The following ZNF280B variants were observed in gnomAD, a reference collection of about 807,000 sequenced individuals.
ZNF280B encodes suppressor of hairy wing homolog 2.
Under a neutral mutation model 38.0 loss-of-function variants are expected in ZNF280B, and 16 were observed. That is an observed-to-expected ratio of 0.42 (90% CI 0.28 to 0.64). ZNF280B has a LOEUF of 0.64. ZNF280B is among the 30% of genes least tolerant of loss of function. The pLI is 0.21. For missense variants in ZNF280B, 581 were observed against 639.6 expected (o/e 0.91, Z 0.99); for synonymous variants, 253 against 230.6 (o/e 1.10, Z -0.88).
intron 2 of ZNF280B, among the ~76,000 whole-genome samples, chr22:22,504,502 T>C (rs1338733759): frequency 6.6e-6 from 1 of 151,732 alleles, no homozygotes; most frequent in Non-Finnish European, 1.5e-5. Context: ...AAAGTCACTA[T>C]TCTCTTTTCA....
rs2061970338 is a variant in ZNF280B, at chr22:22,507,809, C to T, written c.-187+1G>A. ...CATCAGGGAGACTTCTCTTTTCTTA[C>T]CTCAGGTTTATTACAACGCAACTTT... On this transcript the variant is annotated splice_donor_variant, in intron 2 of 3. Coordinates refer to ENST00000626650, the MANE Select transcript of ZNF280B (RefSeq NM_080764.4). LOFTEE classifies it low-confidence loss of function (5UTR_SPLICE). 6.6e-6 allele frequency: 1 copy of T among 151,904 alleles called. No individual in the cohort carries two copies. Among genetic ancestry groups the T allele is most frequent in the South Asian group, 2.1e-4 (1 of 4,810 alleles). 9.4% of individuals were successfully genotyped at this position (151,904 alleles called of 1,614,324 possible).
In ZNF280B at chr22:22,488,865, G is replaced by GTGTATC; in HGVS notation, c.533_534insGATACA (p.Phe178delinsLeuIleHis). 1 of 1,613,636 alleles carries GTGTATC rather than the reference G, an allele frequency of 6.2e-7. No individual in the cohort carries two copies. Among genetic ancestry groups the GTGTATC allele is most frequent in the Non-Finnish European group, 8.5e-7 (1 of 1,179,956 alleles). On this transcript the variant is annotated protein_altering_variant, in exon 4 of 4. Transcript: ENST00000626650. ...TTTTGGGATTTATGCTGTTTACTTC[G>GTGTATC]AAAGTGGAAAGTTGCTTTGATACAC... is the stretch of plus-strand genomic sequence containing the variant.
rs112826805 is a variant in ZNF280B, at chr22:22,485,776, CTATG to C, written c.*1987_*1990del. The C allele has an allele frequency of 0.13, 19,467 of 151,722 alleles. 1,424 individuals carry two copies. Among genetic ancestry groups the C allele is most frequent in the South Asian group, 0.29 (1,408 of 4,790 alleles). The allele number at this position is 151,722 out of a possible 1,614,324, so 9.4% of individuals were successfully genotyped here. ...GAAAAAGGGAGAGATTTCTCCAGAC[CTATG>C]TATGTCTACAGCCAAGATGGCGGAT... On this transcript the variant is annotated 3_prime_UTR_variant, in exon 4 of 4. Coordinates refer to ENST00000626650, the MANE Select transcript of ZNF280B (RefSeq NM_080764.4).
At chr22:22,502,876 G>A (rs2061853340) in intron 2 of ZNF280B, among the ~76,000 whole-genome samples, 1 of 151,970 alleles carries the variant, frequency 6.6e-6, no homozygotes, top group African/African-American at 2.4e-5. Context: ...GATCTTTGCA[G>A]ATGGGAAAAT....
intron 2 of ZNF280B, among the ~76,000 whole-genome samples, chr22:22,496,817 C>CT (rs398036598): frequency 0.013 from 1,735 of 131,760 alleles, 31 homozygotes; most frequent in African/African-American, 0.036. Context: ...GGGATCTACT[C>CT]TTTTTTTTTT....
At chr22:22,502,285 A>G (rs1195242294) in intron 2 of ZNF280B, among the ~76,000 whole-genome samples, 1 of 152,006 alleles carries the variant, frequency 6.6e-6, no homozygotes, top group African/African-American at 2.4e-5. Context: ...GTTAGTTATA[A>G]GCAAAAACAA....
Position 22,487,707 on chromosome 22 carries a change from G to A in ZNF280B, c.*60C>T. 7.0e-7 allele frequency: 1 copy of A among 1,428,688 alleles called. No homozygotes were observed. Among genetic ancestry groups the A allele is most frequent in the African/African-American group, 1.4e-5 (1 of 69,828 alleles). 88.5% of individuals were successfully genotyped at this position (1,428,688 alleles called of 1,614,324 possible). On this transcript the variant is annotated 3_prime_UTR_variant, in exon 4 of 4. Transcript: ENST00000626650. ...GAATAATGTATGGTTTGTATTTTTT[G>A]TTTTATGAGGTTTTTTAATTTGGTT...
intron 3 of ZNF280B, among the ~76,000 whole-genome samples, chr22:22,491,450 CTTTTT>C (rs55862603): frequency 3.7e-5 from 5 of 136,896 alleles, no homozygotes; most frequent in Non-Finnish European, 6.2e-5. Context: ...TTTTTCTTGT[CTTTTT>C]TCTTTTTTTT....
At position 22,489,144 on chromosome 22, in the gene ZNF280B, T is replaced by C. The variant is rs78270162; in HGVS notation, c.255A>G (p.Lys85=). The change falls in exon 4 of 4, where the codon AAA becomes AAG. Residue 85 remains lysine, a synonymous_variant. Coordinates refer to ENST00000626650, the MANE Select transcript of ZNF280B (RefSeq NM_080764.4). Reference sequence around the variant, plus strand: ...CGGTCTCATGACTTTTAGGCTGCAATTTGCGAGCAGTATCTTTTCTAAGGT... The same window carrying C: ...CGGTCTCATGACTTTTAGGCTGCAACTTGCGAGCAGTATCTTTTCTAAGGT... ...YDHLRKDTAR[K]LQPKSHETVT... The C allele has an allele frequency of 1.9e-3, 3,123 of 1,613,912 alleles. 14 individuals carry two copies. Among genetic ancestry groups the C allele is most frequent in the Middle Eastern group, 2.3e-3 (14 of 6,052 alleles).
chr22:22,507,365 T>C (rs975998238), intron 2 of ZNF280B, among the ~76,000 whole-genome samples: 4 of 151,902 alleles, frequency 2.6e-5, no homozygotes, highest in Non-Finnish European at 5.9e-5. Flanking sequence ...ACTAATACAA[T>C]GGGTCTCACT....
intron 2 of ZNF280B, among the ~76,000 whole-genome samples, chr22:22,505,655 G>T (rs985861204): frequency 6.6e-6 from 1 of 151,552 alleles, no homozygotes; most frequent in Admixed American, 6.6e-5. Context: ...AGCTACTTGG[G>T]AGGCTGAGGA....
Position 22,487,447 on chromosome 22 carries a change from T to TAAAAAAAAAAAAAAAAAA in ZNF280B, c.*302_*319dup, listed in dbSNP as rs71199481. ...TAACAGTGAGACCCTGTCTCTAAAG[T>TAAAAAAAAAAAAAAAAAA]AAAAAAAAAAAAAAAAAAAAAAAAA... On this transcript the variant is annotated 3_prime_UTR_variant, in exon 4 of 4. Coordinates refer to ENST00000626650, the MANE Select transcript of ZNF280B (RefSeq NM_080764.4). 3 of 66,768 alleles carry TAAAAAAAAAAAAAAAAAA rather than the reference T, an allele frequency of 4.5e-5. No homozygotes were observed. The highest frequency in any genetic ancestry group is 1.5e-4 in the African/African-American group (3 of 20,462). 4.1% of individuals were successfully genotyped at this position (66,768 alleles called of 1,614,324 possible). A position where few individuals can be genotyped will look rare whatever the true frequency, so the allele number is the denominator to read the frequency against.
chr22:22,488,712 A>T lies in ZNF280B; in HGVS notation c.687T>A (p.Val229=), dbSNP rs775732868. The T allele has an allele frequency of 3.1e-6, 5 of 1,613,886 alleles. No individual in the cohort carries two copies. In the South Asian group the frequency reaches 4.4e-5, roughly 14 times the overall value. ...CTGCTGGAAAAGGTGCTCCATTCTG[A>T]ACATGGCTTAATGAGGTATGAACAT... ...SNNVHTSLSH[V]QNGAPFPAAF... Residue 229 remains valine, a synonymous_variant, in exon 4 of 4, where the codon GTT becomes GTA. Transcript: ENST00000626650.
In ZNF280B at chr22:22,488,481, G is replaced by A. The variant is rs769493024; in HGVS notation, c.918C>T (p.Thr306=). 6.2e-7 allele frequency: 1 copy of A among 1,613,766 alleles called. No homozygotes were observed. Residue 306 remains threonine (T), a synonymous_variant, in exon 4 of 4, where the codon ACC becomes ACT. Coordinates refer to ENST00000626650, the MANE Select transcript of ZNF280B (RefSeq NM_080764.4). ...EGQPEQKTHT[T]FKCLSCVKVL... ...CTTTCACGCAGCTGAGGCATTTAAA[G>A]GTGGTGTGAGTCTTCTGTTCCGGCT... is the stretch of plus-strand genomic sequence containing the variant.
Position 22,507,386 on chromosome 22 carries a change from C to T in ZNF280B, c.-187+424G>A, listed in dbSNP as rs977945671. On this transcript the variant is annotated intron_variant, in intron 2 of 3. Transcript: ENST00000626650. ...ACAATGGGTCTCACTGAGCTGTAAT[C>T]ACAAATTGCTGGGCACACAATTCAC... 7.2e-5 allele frequency among the ~76,000 whole-genome samples: 11 copies of T among 152,010 alleles called. No individual in the cohort carries two copies. The East Asian group carries it at 2.2e-3, about 30-fold the overall frequency.
chr22:22,505,105 G>A (rs1224761891), intron 2 of ZNF280B, among the ~76,000 whole-genome samples: 1 of 151,940 alleles, frequency 6.6e-6, no homozygotes, highest in African/African-American at 2.4e-5. Context: ...CTCCAACAAA[G>A]GGAACAGCAA....
rs1463800719 is a variant in ZNF280B at position 22,488,975 on chromosome 22, G to T, written c.424C>A (p.Pro142Thr). 1 of 1,613,844 alleles carries T rather than the reference G, an allele frequency of 6.2e-7. No homozygotes were observed. Among genetic ancestry groups the T allele is most frequent in the Non-Finnish European group, 8.5e-7 (1 of 1,179,964 alleles). ...QVVPNNSSEL[P>T]SPLITFTDSL... is the part of the protein sequence containing the mutation. The stretch of plus-strand genomic sequence containing the variant: ...TCTGTGAATGTAATCAAAGGAGAAG[G>T]TAATTCTGAAGAGTTATTAGGCACA... The change falls in exon 4 of 4, where the codon CCT becomes ACT. Residue 142 changes from proline to threonine, a missense_variant. Pro to Thr is a conservative substitution (Grantham distance 38). Coordinates refer to ENST00000626650, the MANE Select transcript of ZNF280B (RefSeq NM_080764.4).
intron 2 of ZNF280B, among the ~76,000 whole-genome samples, chr22:22,504,656 T>C (rs1305951562): frequency 6.6e-6 from 1 of 151,982 alleles, no homozygotes; most frequent in Admixed American, 6.6e-5. Context: ...ACATTTGATG[T>C]TCTGATGTTT....
chr22:22,487,987 G>C lies in ZNF280B; in HGVS notation c.1412C>G (p.Thr471Ser), dbSNP rs1389190830. 1 of 1,613,646 alleles carries C rather than the reference G, an allele frequency of 6.2e-7. No homozygotes were observed. The highest frequency in any genetic ancestry group is 1.7e-5 in the Admixed American group (1 of 59,938). The change falls in exon 4 of 4, where the codon ACT becomes AGT. Residue 471 changes from threonine (T) to serine (S), a missense_variant. Physicochemically the swap from Thr to Ser is moderately conservative, Grantham distance 58. Coordinates refer to ENST00000626650, the MANE Select transcript of ZNF280B (RefSeq NM_080764.4). ...QCSKCRLQFL[T>S]FKEKMEHKTQ... The stretch of plus-strand genomic sequence containing the variant: ...CTTGTGCTCCATTTTCTCCTTGAAA[G>C]TTAAAAACTGTAGCCGGCACTTGGA...
Sources: gnomAD v4.1 joint callset for allele counts (sites outside exome capture counted in the v4.1 genomes callset) on GRCh38, gnomAD v4.1.1 for gene constraint, MANE v1.5 for transcripts, NCBI Gene and HGNC (gene_info 2026-07-23, HGNC 2026-07-21) for gene names.